CTNNA2: variants seen among roughly 807,000 people sequenced by gnomAD.
CTNNA2 encodes the protein catenin alpha 2, also known as catenin alpha-2.
In CTNNA2, 42 loss-of-function variants were observed where a neutral mutation model predicts 101.0. The ratio of observed to expected loss-of-function variants is 0.42; its 90% CI spans 0.32 to 0.54. CTNNA2 has a LOEUF of 0.54. Ranked by LOEUF, CTNNA2 falls within the 20% of genes least tolerant of loss-of-function variation. The pLI is 0.14. For synonymous variants in CTNNA2, 450 were observed against 456.4 expected, an observed-to-expected ratio of 0.99 and a Z score of 0.18; for missense variants, 871 against 1,223.1, an observed-to-expected ratio of 0.71 and a Z score of 4.29.
chr2:80,227,965 G>C (rs959398666), intron 7 of CTNNA2, among the ~76,000 whole-genome samples: 5 of 145,126 alleles, frequency 3.4e-5, no homozygotes, highest in Non-Finnish European at 5.9e-5. Flanking sequence ...TGCCCAGGCA[G>C]CATTTTTTTT....
chr2:80,559,358 C>T (rs1426554096), intron 12 of CTNNA2, among the ~76,000 whole-genome samples: 1 of 152,130 alleles, frequency 6.6e-6, no homozygotes, highest in Non-Finnish European at 1.5e-5. Flanking sequence ...CCTGTGTAGA[C>T]AGATGAATGG....
intron 9 of CTNNA2, among the ~76,000 whole-genome samples, chr2:80,542,604 A>G (rs1691669480): frequency 6.6e-6 from 1 of 151,996 alleles, no homozygotes; most frequent in South Asian, 2.1e-4. Context: ...CAGAAATGCA[A>G]ATAATTACCT....
rs555603635 is a variant in CTNNA2, at chr2:80,549,337, A to AT, written c.1540+3283dup. Among the ~76,000 whole-genome samples, 1,193 of 151,606 alleles carry AT rather than the reference A, an allele frequency of 7.9e-3. 21 individuals carry two copies. The highest frequency in any genetic ancestry group is 0.025 in the African/African-American group (1,030 of 41,320). ...AGAGTTTTGCTTTTTAACTTTTCCT[A>AT]TTTTTTTTTAACTCTACAGTCTTAA... On this transcript the variant is annotated intron_variant, in intron 11 of 18. Coordinates refer to ENST00000402739, the MANE Select transcript of CTNNA2 (RefSeq NM_001282597.3).
At chr2:80,366,325 A>G (rs1674928725) in intron 7 of CTNNA2, among the ~76,000 whole-genome samples, 1 of 152,140 alleles carries the variant, frequency 6.6e-6, no homozygotes, top group Non-Finnish European at 1.5e-5. Flanking sequence ...GGGTTAATCA[A>G]GTTAAACAGA....
intron 6 of CTNNA2, among the ~76,000 whole-genome samples, chr2:79,896,015 G>T (rs1476482946): frequency 6.6e-6 from 1 of 152,096 alleles, no homozygotes; most frequent in Non-Finnish European, 1.5e-5. Flanking sequence ...GAGTGTGGTG[G>T]TTCATGCCCA....
intron 7 of CTNNA2, among the ~76,000 whole-genome samples, chr2:80,291,293 C>T (rs1197961778): frequency 6.6e-6 from 1 of 152,228 alleles, no homozygotes; most frequent in African/African-American, 2.4e-5. Context: ...TCCTTAACTT[C>T]ATACCCTGCC....
intron 9 of CTNNA2, among the ~76,000 whole-genome samples, chr2:80,494,115 T>A (rs1318262371): frequency 6.6e-6 from 1 of 152,150 alleles, no homozygotes; most frequent in African/African-American, 2.4e-5. Context: ...TTGTATTAAA[T>A]TAATCAAACT....
intron 2 of CTNNA2, among the ~76,000 whole-genome samples, chr2:79,710,762 C>G (rs1685690374): frequency 6.6e-6 from 1 of 151,902 alleles, no homozygotes; most frequent in African/African-American, 2.4e-5. Flanking sequence ...TGCATATGAG[C>G]TGTCTGTGAA....
chr2:79,319,420 C>T (rs1307676680), intron 3 of CTNNA2, among the ~76,000 whole-genome samples: 1 of 152,156 alleles, frequency 6.6e-6, no homozygotes, highest in Non-Finnish European at 1.5e-5. Flanking sequence ...TGCCATATTT[C>T]TTCACCTTTC....
intron 7 of CTNNA2, among the ~76,000 whole-genome samples, chr2:80,131,879 G>A (rs537863839): frequency 3.3e-5 from 5 of 152,182 alleles, no homozygotes; most frequent in African/African-American, 9.6e-5. Context: ...ACAGGAGTTC[G>A]AGACCAGCCT....
At chr2:79,869,714 T>C in intron 4 of CTNNA2, 102 bp from the exon 5 acceptor site, 1 of 1,426,928 alleles carries the variant, frequency 7.0e-7, no homozygotes, top group Non-Finnish European at 9.4e-7. Flanking sequence ...TGTTAACACA[T>C]ACTAGTGTTT....
At chr2:80,217,518 T>C (rs941981575) in intron 7 of CTNNA2, among the ~76,000 whole-genome samples, 3 of 152,096 alleles carry the variant, frequency 2.0e-5, no homozygotes, top group Non-Finnish European at 4.4e-5. Flanking sequence ...GTCTGACCCA[T>C]TGAGTGACAC....
chr2:79,914,237 C>T (rs993716153), intron 7 of CTNNA2, among the ~76,000 whole-genome samples: 5 of 150,276 alleles, frequency 3.3e-5, no homozygotes, highest in Non-Finnish European at 5.9e-5. Flanking sequence ...AGACAGATTG[C>T]ATTTGAAAGG....
intron 2 of CTNNA2, among the ~76,000 whole-genome samples, chr2:79,718,824 GTT>G (rs759268135): frequency 1.4e-5 from 2 of 140,254 alleles, no homozygotes; most frequent in Non-Finnish European, 3.1e-5. Flanking sequence ...TTTCCCACTT[GTT>G]TTTTTTTTTT....
At chr2:79,854,894 C>A (rs540347407) in intron 3 of CTNNA2, among the ~76,000 whole-genome samples, 1 of 152,156 alleles carries the variant, frequency 6.6e-6, no homozygotes, top group African/African-American at 2.4e-5. Flanking sequence ...ATAGAAAAAG[C>A]ACTTTTCTCT....
chr2:80,034,091 T>A (rs1225000507), intron 7 of CTNNA2, among the ~76,000 whole-genome samples: 1 of 150,824 alleles, frequency 6.6e-6, no homozygotes, highest in African/African-American at 2.4e-5. Context: ...AAGGAAAGGA[T>A]AAATCCAACC....
intron 4 of CTNNA2, among the ~76,000 whole-genome samples, chr2:79,413,944 TA>T (rs1678447861): frequency 1.2e-4 from 1 of 8,022 alleles, no homozygotes; most frequent in African/African-American, 2.7e-4. Flanking sequence ...CATATATATA[TA>T]TATATATATA....
chr2:79,307,892 C>T (rs1354513967), intron 2 of CTNNA2, among the ~76,000 whole-genome samples: 1 of 151,846 alleles, frequency 6.6e-6, no homozygotes, highest in African/African-American at 2.4e-5. Flanking sequence ...TTTTTTCTTT[C>T]TGATAATAGC....
intron 7 of CTNNA2, among the ~76,000 whole-genome samples, chr2:79,988,088 A>G (rs978840327): frequency 3.9e-5 from 6 of 152,146 alleles, no homozygotes; most frequent in Non-Finnish European, 5.9e-5. Flanking sequence ...TTCTGCCTGT[A>G]TTACCCCCAA....
Sources: gnomAD v4.1 joint callset for allele counts (sites outside exome capture counted in the v4.1 genomes callset) on GRCh38, gnomAD v4.1.1 for gene constraint, MANE v1.5 for transcripts, NCBI Gene and HGNC (gene_info 2026-07-23, HGNC 2026-07-21) for gene names.